The following KRTAP5-6 variants were observed in gnomAD, a reference collection of about 807,000 sequenced individuals.
The protein encoded by KRTAP5-6 is keratin associated protein 5-6.
For synonymous variants in KRTAP5-6, 57 were observed against 61.7 expected, an observed-to-expected ratio of 0.92 and a Z score of 0.36; for missense variants, 175 against 157.6, an observed-to-expected ratio of 1.11 and a Z score of -0.59.
chr11:1,697,626 C>CA lies in KRTAP5-6; in HGVS notation c.385dup (p.Ile129AsnfsTer5), dbSNP rs1465857290. ...GCTGTGTCCCCATTTGCTGCCAGTGCAAAATCTGAGGCTCTGACTTTGGAC... is the reference window on the plus strand; with the variant it reads ...GCTGTGTCCCCATTTGCTGCCAGTGCAAAAATCTGAGGCTCTGACTTTGGAC... On this transcript the variant is annotated frameshift_variant, in exon 1 of 1. Transcript: ENST00000382160. LOFTEE classifies it high-confidence loss of function. 5 of 1,614,032 alleles carry CA rather than the reference C, an allele frequency of 3.1e-6. No homozygotes were observed. The highest frequency in any genetic ancestry group is 3.4e-6 in the Non-Finnish European group (4 of 1,180,014).
rs1447772336 is a variant in KRTAP5-6 at position 1,697,418 on chromosome 11, G to A, written c.173G>A (p.Gly58Glu). The A allele has an allele frequency of 1.2e-6, 2 of 1,612,466 alleles. No individual in the cohort carries two copies. Among genetic ancestry groups the A allele is most frequent in the East Asian group, 2.2e-5 (1 of 44,850 alleles). The change falls in exon 1 of 1, where the codon GGG (glycine) becomes GAG (glutamate). Residue 58 changes from glycine (G) to glutamate (E), a missense_variant. Gly to Glu is a moderately conservative substitution (Grantham distance 98). Coordinates refer to ENST00000382160, the MANE Select transcript of KRTAP5-6 (RefSeq NM_001012416.1). ...TSCGSCGGSK[G>E]CCGSCGGSKG... ...TGTGGCTCTTGTGGGGGCTCCAAGG[G>A]GTGCTGTGGCTCTTGTGGGGGCTCC...
chr11:1,697,438 G>A lies in KRTAP5-6; in HGVS notation c.193G>A (p.Gly65Ser), dbSNP rs772009110. 1.1e-5 allele frequency: 18 copies of A among 1,611,718 alleles called. No individual in the cohort carries two copies. In the Admixed American group the frequency reaches 1.8e-4, roughly 16 times the overall value. Reference protein sequence around the residue: ...GSKGCCGSCGGSKGGCGSCGG... With the variant: ...GSKGCCGSCGSSKGGCGSCGG... ...CAAGGGGTGCTGTGGCTCTTGTGGG[G>A]GCTCCAAAGGGGGCTGTGGCTCTTG... The change falls in exon 1 of 1, where the codon GGC becomes AGC. Residue 65 changes from glycine to serine, a missense_variant. Physicochemically the swap from Gly to Ser is moderately conservative, Grantham distance 56 (BLOSUM62 0). Transcript: ENST00000382160.
Position 1,697,596 on chromosome 11 carries a change from C to A in KRTAP5-6, c.351C>A (p.Ala117=), listed in dbSNP as rs756996891. The A allele has an allele frequency of 6.2e-6, 10 of 1,614,016 alleles. No individual in the cohort carries two copies. In the East Asian group the frequency reaches 2.0e-4, roughly 32 times the overall value. The stretch of plus-strand genomic sequence containing the variant: ...GCTGCAAGCCCTGCTGTTCCCAGGC[C>A]AGCTGCTGTGTCCCCATTTGCTGCC... The part of the protein sequence containing the change: ...SSCCKPCCSQ[A]SCCVPICCQC... The change falls in exon 1 of 1, where the codon GCC becomes GCA. Residue 117 remains alanine (A), a synonymous_variant. Coordinates refer to ENST00000382160, the MANE Select transcript of KRTAP5-6 (RefSeq NM_001012416.1).
rs750546800 is a variant in KRTAP5-6 at position 1,697,409 on chromosome 11, G to A, written c.164G>A (p.Gly55Asp). ...TGCACCAGCTGTGGCTCTTGTGGGG[G>A]CTCCAAGGGGTGCTGTGGCTCTTGT... ...CSCTSCGSCG[G>D]SKGCCGSCGG... Residue 55 changes from glycine to aspartate, a missense_variant, in exon 1 of 1, where the codon GGC (glycine) becomes GAC (aspartate). Gly to Asp is a moderately conservative substitution (Grantham distance 94, BLOSUM62 -1). Transcript: ENST00000382160. 26 of 1,612,712 alleles carry A rather than the reference G, an allele frequency of 1.6e-5. No individual in the cohort carries two copies. In the African/African-American group the frequency reaches 2.1e-4, roughly 13 times the overall value.
Position 1,697,748 on chromosome 11 carries a change from A to G in KRTAP5-6, c.*113A>G. 1 of 1,472,546 alleles carries G rather than the reference A, an allele frequency of 6.8e-7. No homozygotes were observed. Among genetic ancestry groups the G allele is most frequent in the Non-Finnish European group, 9.3e-7 (1 of 1,073,730 alleles). The allele number at this position is 1,472,546 out of a possible 1,614,324, so 91.2% of individuals were successfully genotyped here. On this transcript the variant is annotated 3_prime_UTR_variant, in exon 1 of 1. Coordinates refer to ENST00000382160, the MANE Select transcript of KRTAP5-6 (RefSeq NM_001012416.1). ...CAGCTCCAGGAGTTGTGTCCCCTGAATTTTGCAGAAGGTGATGACTCCAGG... is the reference window on the plus strand; with the variant it reads ...CAGCTCCAGGAGTTGTGTCCCCTGAGTTTTGCAGAAGGTGATGACTCCAGG...
In KRTAP5-6 at chr11:1,697,616, G is replaced by A; in HGVS notation, c.371G>A (p.Cys124Tyr). The A allele has an allele frequency of 6.2e-7, 1 of 1,614,138 alleles. No individual in the cohort carries two copies. The highest frequency in any genetic ancestry group is 2.2e-5 in the East Asian group (1 of 44,886). The change falls in exon 1 of 1, where the codon TGC becomes TAC. Residue 124 changes from cysteine (C) to tyrosine (Y), a missense_variant. Cys to Tyr is a radical substitution (Grantham distance 194). Coordinates refer to ENST00000382160, the MANE Select transcript of KRTAP5-6 (RefSeq NM_001012416.1). Reference sequence around the variant, plus strand: ...CAGGCCAGCTGCTGTGTCCCCATTTGCTGCCAGTGCAAAATCTGAGGCTCT... The same window carrying A: ...CAGGCCAGCTGCTGTGTCCCCATTTACTGCCAGTGCAAAATCTGAGGCTCT... Reference protein sequence around the residue: ...CSQASCCVPICCQCKI With the variant: ...CSQASCCVPIYCQCKI
chr11:1,697,747 A>C lies in KRTAP5-6; in HGVS notation c.*112A>C, dbSNP rs1364573472. 6.8e-7 allele frequency: 1 copy of C among 1,471,658 alleles called. No individual in the cohort carries two copies. Among genetic ancestry groups the C allele is most frequent in the Non-Finnish European group, 9.3e-7 (1 of 1,072,954 alleles). 91.2% of individuals were successfully genotyped at this position (1,471,658 alleles called of 1,614,324 possible). Reference sequence around the variant, plus strand: ...ACAGCTCCAGGAGTTGTGTCCCCTGAATTTTGCAGAAGGTGATGACTCCAG... The same window carrying C: ...ACAGCTCCAGGAGTTGTGTCCCCTGCATTTTGCAGAAGGTGATGACTCCAG... On this transcript the variant is annotated 3_prime_UTR_variant, in exon 1 of 1. Coordinates refer to ENST00000382160, the MANE Select transcript of KRTAP5-6 (RefSeq NM_001012416.1).
At position 1,697,376 on chromosome 11, in the gene KRTAP5-6, C is replaced by T. The variant is rs764344965; in HGVS notation, c.131C>T (p.Ala44Val). The stretch of plus-strand genomic sequence containing the variant: ...AAGCCCGTGTGCTGCTGTGTGCCAG[C>T]CTGTTCCTGCACCAGCTGTGGCTCT... ...CCKPVCCCVP[A>V]CSCTSCGSCG... Residue 44 changes from alanine to valine, a missense_variant, in exon 1 of 1, where the codon GCC becomes GTC. Coordinates refer to ENST00000382160, the MANE Select transcript of KRTAP5-6 (RefSeq NM_001012416.1). 16 of 1,612,364 alleles carry T rather than the reference C, an allele frequency of 9.9e-6. No homozygotes were observed. The highest frequency in any genetic ancestry group is 1.3e-5 in the Non-Finnish European group (15 of 1,179,800).
rs144258167 is a variant in KRTAP5-6, at chr11:1,697,451, G to C, written c.206G>C (p.Gly69Ala). The C allele has an allele frequency of 6.2e-7, 1 of 1,613,358 alleles. No homozygotes were observed. The highest frequency in any genetic ancestry group is 1.1e-5 in the South Asian group (1 of 91,016). The change falls in exon 1 of 1, where the codon GGC (glycine) becomes GCC (alanine). Residue 69 changes from glycine to alanine, a missense_variant. Transcript: ENST00000382160. ...CCGSCGGSKG[G>A]CGSCGGSKGG... is the part of the protein sequence containing the mutation. ...GGCTCTTGTGGGGGCTCCAAAGGGG[G>C]CTGTGGCTCTTGTGGGGGCTCCAAG...
rs146296180 is a variant in KRTAP5-6 at position 1,697,341 on chromosome 11, C to T, written c.96C>T (p.Ile32=). 70 of 1,613,300 alleles carry T rather than the reference C, an allele frequency of 4.3e-5. No homozygotes were observed. The African/African-American group carries it at 8.9e-4, about 21-fold the overall frequency. The change falls in exon 1 of 1, where the codon ATC becomes ATT. Residue 32 remains isoleucine (I), a synonymous_variant. Transcript: ENST00000382160. ...GGCGSSCCVP[I]CCCKPVCCCV... ...GTGGGTCCAGCTGCTGTGTGCCCAT[C>T]TGCTGCTGCAAGCCCGTGTGCTGCT...
In KRTAP5-6 at chr11:1,697,675, C is replaced by T. The variant is rs373157622; in HGVS notation, c.*40C>T. The T allele has an allele frequency of 1.1e-5, 18 of 1,612,842 alleles. No homozygotes were observed. The highest frequency in any genetic ancestry group is 1.5e-5 in the Non-Finnish European group (18 of 1,179,302). Reference sequence around the variant, plus strand: ...ACCTCAGGTGAGTCCAGCATATCCACACCACCCAAGAAGTGACCAGTGCTG... The same window carrying T: ...ACCTCAGGTGAGTCCAGCATATCCATACCACCCAAGAAGTGACCAGTGCTG... On this transcript the variant is annotated 3_prime_UTR_variant, in exon 1 of 1. Coordinates refer to ENST00000382160, the MANE Select transcript of KRTAP5-6 (RefSeq NM_001012416.1).
Position 1,697,202 on chromosome 11 carries a change from C to T in KRTAP5-6, c.-44C>T. The T allele has an allele frequency of 6.2e-7, 1 of 1,612,294 alleles. No homozygotes were observed. The highest frequency in any genetic ancestry group is 8.5e-7 in the Non-Finnish European group (1 of 1,179,810). ...GAGCTCCATACCTGCACACCTCCCT[C>T]TCACCTGCTCCTCTACCTGCTCCAC... On this transcript the variant is annotated 5_prime_UTR_variant, in exon 1 of 1. Transcript: ENST00000382160.
chr11:1,697,711 C>A lies in KRTAP5-6; in HGVS notation c.*76C>A, dbSNP rs925763671. 7 of 1,585,912 alleles carry A rather than the reference C, an allele frequency of 4.4e-6. No homozygotes were observed. In the Admixed American group the frequency reaches 1.0e-4, roughly 23 times the overall value. On this transcript the variant is annotated 3_prime_UTR_variant, in exon 1 of 1. Transcript: ENST00000382160. ...AAGTGACCAGTGCTGCATTTCAGTT[C>A]TGGCTGTCCCACAGCTCCAGGAGTT...
rs766351855 is a variant in KRTAP5-6 at position 1,697,498 on chromosome 11, T to G, written c.253T>G (p.Cys85Gly). 3 of 1,614,048 alleles carry G rather than the reference T, an allele frequency of 1.9e-6. No individual in the cohort carries two copies. Among genetic ancestry groups the G allele is most frequent in the Non-Finnish European group, 2.5e-6 (3 of 1,180,010 alleles). The change falls in exon 1 of 1, where the codon TGC becomes GGC. Residue 85 changes from cysteine to glycine, a missense_variant. Physicochemically the swap from Cys to Gly is radical, Grantham distance 159. Coordinates refer to ENST00000382160, the MANE Select transcript of KRTAP5-6 (RefSeq NM_001012416.1). ...CAAGGGAGGCTGTGGCTCTTGTGGC[T>G]GCTCCCAGTGCAGTTGCTGCAAGCC... ...GSKGGCGSCG[C>G]SQCSCCKPCY...
chr11:1,697,474 A>G lies in KRTAP5-6; in HGVS notation c.229A>G (p.Lys77Glu). 6.2e-7 allele frequency: 1 copy of G among 1,612,942 alleles called. No homozygotes were observed. Among genetic ancestry groups the G allele is most frequent in the East Asian group, 2.2e-5 (1 of 44,834 alleles). Reference protein sequence around the residue: ...KGGCGSCGGSKGGCGSCGCSQ... With the variant: ...KGGCGSCGGSEGGCGSCGCSQ... ...GGGCTGTGGCTCTTGTGGGGGCTCC[A>G]AGGGAGGCTGTGGCTCTTGTGGCTG... is the stretch of plus-strand genomic sequence containing the variant. Residue 77 changes from lysine (K) to glutamate (E), a missense_variant, in exon 1 of 1, where the codon AAG (lysine) becomes GAG (glutamate). Coordinates refer to ENST00000382160, the MANE Select transcript of KRTAP5-6 (RefSeq NM_001012416.1).
At position 1,697,541 on chromosome 11, in the gene KRTAP5-6, G is replaced by T. The variant is rs372985780; in HGVS notation, c.296G>T (p.Gly99Val). ...TGCAAGCCCTGCTACTGTTCCTCAGGCTGTGGGTCATCCTGCTGCCAGTCC... is the reference window on the plus strand; with the variant it reads ...TGCAAGCCCTGCTACTGTTCCTCAGTCTGTGGGTCATCCTGCTGCCAGTCC... ...SCCKPCYCSSGCGSSCCQSSC... is the reference protein window; with the variant it reads ...SCCKPCYCSSVCGSSCCQSSC... The change falls in exon 1 of 1, where the codon GGC becomes GTC. Residue 99 changes from glycine to valine, a missense_variant. By Grantham distance (109) the Gly-to-Val change is moderately radical (BLOSUM62 -3). Transcript: ENST00000382160. The T allele has an allele frequency of 6.1e-5, 99 of 1,614,020 alleles. No individual in the cohort carries two copies. Among genetic ancestry groups the T allele is most frequent in the Non-Finnish European group, 8.1e-5 (96 of 1,180,024 alleles).
Position 1,697,668 on chromosome 11 carries a change from A to T in KRTAP5-6, c.*33A>T. On this transcript the variant is annotated 3_prime_UTR_variant, in exon 1 of 1. Transcript: ENST00000382160. ...ACTTTGGACCTCAGGTGAGTCCAGC[A>T]TATCCACACCACCCAAGAAGTGACC... 6.2e-7 allele frequency: 1 copy of T among 1,613,590 alleles called. No homozygotes were observed. The highest frequency in any genetic ancestry group is 8.5e-7 in the Non-Finnish European group (1 of 1,179,666).
chr11:1,697,580 C>A lies in KRTAP5-6; in HGVS notation c.335C>A (p.Pro112His), dbSNP rs1274393316. 1.2e-6 allele frequency: 2 copies of A among 1,613,994 alleles called. No individual in the cohort carries two copies. Among genetic ancestry groups the A allele is most frequent in the African/African-American group, 2.7e-5 (2 of 74,984 alleles). ...SSCCQSSCCK[P>H]CCSQASCCVP... ...TGCTGCCAGTCCAGCTGCTGCAAGC[C>A]CTGCTGTTCCCAGGCCAGCTGCTGT... is the stretch of plus-strand genomic sequence containing the variant. The change falls in exon 1 of 1, where the codon CCC (proline) becomes CAC (histidine). Residue 112 changes from proline to histidine, a missense_variant. Coordinates refer to ENST00000382160, the MANE Select transcript of KRTAP5-6 (RefSeq NM_001012416.1).
At position 1,697,398 on chromosome 11, in the gene KRTAP5-6, C is replaced by G. The variant is rs768072093; in HGVS notation, c.153C>G (p.Gly51=). The G allele has an allele frequency of 8.1e-6, 13 of 1,612,522 alleles. No homozygotes were observed. The highest frequency in any genetic ancestry group is 1.1e-5 in the Non-Finnish European group (13 of 1,179,858). ...CVPACSCTSC[G]SCGGSKGCCG... is the part of the protein sequence containing the mutation. The stretch of plus-strand genomic sequence containing the variant: ...CAGCCTGTTCCTGCACCAGCTGTGG[C>G]TCTTGTGGGGGCTCCAAGGGGTGCT... Residue 51 remains glycine (G), a synonymous_variant, in exon 1 of 1, where the codon GGC becomes GGG. Coordinates refer to ENST00000382160, the MANE Select transcript of KRTAP5-6 (RefSeq NM_001012416.1).
Sources: allele counts gnomAD v4.1 joint callset, GRCh38; gene constraint gnomAD v4.1.1; transcripts MANE v1.5; gene names NCBI Gene and HGNC (gene_info 2026-07-23, HGNC 2026-07-21).